Variants in C7orf57 observed in about 807,000 individuals in gnomAD.
C7orf57 encodes chromosome 7 open reading frame 57.
C7orf57 carries 33 observed loss-of-function variants against 39.0 expected under a neutral mutation model. That is an observed-to-expected ratio of 0.85 (90% CI 0.64 to 1.13). C7orf57 has a LOEUF of 1.13. Ranked by LOEUF, C7orf57 falls within the 50% of genes most tolerant of loss-of-function variation. The pLI is 0.00. For synonymous variants in C7orf57, 124 were observed against 137.1 expected (o/e 0.90, Z 0.67); for missense variants, 346 against 362.3 (o/e 0.95, Z 0.37).
chr7:48,041,738 T>G, intron 3 of C7orf57: 1 of 343,238 alleles, frequency 2.9e-6, no homozygotes, highest in Non-Finnish European at 5.2e-6. Flanking sequence ...TCACAGAATT[T>G]CCTGTGTAGG....
At chr7:48,051,723 TTTCTCTTTTTC>T in intron 6 of C7orf57, among the ~76,000 whole-genome samples, 2 of 56,282 alleles carry the variant, frequency 3.6e-5, no homozygotes, top group Non-Finnish European at 6.4e-5. Context: ...CCTTTCTTTC[TTTCTCTTTTTC>T]TTTTCTTTCT....
intron 5 of C7orf57, among the ~76,000 whole-genome samples, chr7:48,047,677 T>A (rs1473504685): frequency 6.6e-6 from 1 of 152,168 alleles, no homozygotes; most frequent in East Asian, 1.9e-4. Context: ...AGACCTTTTA[T>A]TGTTGTTTTT....
Position 48,059,984 on chromosome 7 carries a change from C to T in C7orf57, c.842-242C>T, listed in dbSNP as rs545394985. Among the ~76,000 whole-genome samples, 3 of 152,294 alleles carry T rather than the reference C, an allele frequency of 2.0e-5. No individual in the cohort carries two copies. The South Asian group carries it at 6.2e-4, about 32-fold the overall frequency. On this transcript the variant is annotated intron_variant, in intron 8 of 8. Coordinates refer to ENST00000348904, the MANE Select transcript of C7orf57 (RefSeq NM_001100159.3). ...AACTTTCCACCATACACAGGCAAAA[C>T]TCATGAATTGAACTGTTTCCAATGG...
intron 5 of C7orf57, among the ~76,000 whole-genome samples, chr7:48,048,750 C>T (rs568209222): frequency 3.5e-4 from 52 of 149,818 alleles, no homozygotes; most frequent in African/African-American, 1.2e-3. Context: ...AGCCTCTCCC[C>T]TGCCCCTTGC....
chr7:48,046,430 C>T, intron 4 of C7orf57, 30 bp from the exon 5 acceptor site: 1 of 1,597,990 alleles, frequency 6.3e-7, no homozygotes, highest in Non-Finnish European at 8.5e-7. Flanking sequence ...GCTCTGAGCA[C>T]CAGGCTGTAA....
intron 6 of C7orf57, among the ~76,000 whole-genome samples, chr7:48,052,376 A>G (rs1790980055): frequency 7.3e-6 from 1 of 137,584 alleles, no homozygotes; most frequent in African/African-American, 2.5e-5. Context: ...GTGAAATACT[A>G]GAATTATTAC....
At chr7:48,051,990 T>C (rs1381892267) in intron 6 of C7orf57, among the ~76,000 whole-genome samples, 1 of 149,994 alleles carries the variant, frequency 6.7e-6, no homozygotes, top group African/African-American at 2.5e-5. Context: ...TTTCTTTTTT[T>C]TGAGACAGAG....
At chr7:48,048,372 T>C (rs1401427843) in intron 5 of C7orf57, among the ~76,000 whole-genome samples, 2 of 152,148 alleles carry the variant, frequency 1.3e-5, no homozygotes, top group African/African-American at 4.8e-5. Flanking sequence ...ACGGGACACA[T>C]GGTGGACACC....
chr7:48,061,158 T>G lies in C7orf57; in HGVS notation c.*886T>G, dbSNP rs1030394401. On this transcript the variant is annotated 3_prime_UTR_variant, in exon 9 of 9. Transcript: ENST00000348904. ...GCTTACCTAAAATTTAAGTTTCAAA[T>G]TAGTTCTCTATATGAGATACTTAAT... The G allele has an allele frequency of 1.3e-5, 2 of 152,198 alleles. No homozygotes were observed. The highest frequency in any genetic ancestry group is 4.8e-5 in the African/African-American group (2 of 41,454). 9.4% of individuals were successfully genotyped at this position (152,198 alleles called of 1,614,324 possible). A position where few individuals can be genotyped will look rare whatever the true frequency, so the allele number is the denominator to read the frequency against.
chr7:48,053,028 C>T (rs1791006647), intron 7 of C7orf57, 105 bp downstream of exon 7: 2 of 931,546 alleles, frequency 2.1e-6, no homozygotes. Flanking sequence ...AAATGAGTAA[C>T]CCAAAAACCA....
At chr7:48,048,908 A>G (rs1279898121) in intron 5 of C7orf57, among the ~76,000 whole-genome samples, 1 of 152,178 alleles carries the variant, frequency 6.6e-6, no homozygotes, top group Non-Finnish European at 1.5e-5. Context: ...GGTCAACACG[A>G]CCATGAACCA....
chr7:48,041,383 C>T lies in C7orf57; in HGVS notation c.105C>T (p.Ala35=). Residue 35 remains alanine, a synonymous_variant, in exon 3 of 9, where the codon GCC becomes GCT. Coordinates refer to ENST00000348904, the MANE Select transcript of C7orf57 (RefSeq NM_001100159.3). ...PVKRSEKAVD[A]PPASQIPGLS... ...AGCGCTCTGAGAAGGCCGTGGATGC[C>T]CCACCAGCGTCCCAGATCCCAGGTC... The T allele has an allele frequency of 4.3e-6, 7 of 1,613,924 alleles. No individual in the cohort carries two copies. The highest frequency in any genetic ancestry group is 5.9e-6 in the Non-Finnish European group (7 of 1,179,846).
chr7:48,044,604 A>G (rs914336842), intron 4 of C7orf57, among the ~76,000 whole-genome samples: 82 of 152,208 alleles, frequency 5.4e-4, no homozygotes, highest in African/African-American at 1.8e-3. Flanking sequence ...TAGCTGGCCT[A>G]GGAAATCCAG....
chr7:48,058,321 T>C (rs919753736), intron 8 of C7orf57, among the ~76,000 whole-genome samples: 12 of 152,284 alleles, frequency 7.9e-5, no homozygotes, highest in Non-Finnish European at 1.2e-4. Flanking sequence ...GAAGCCATTA[T>C]GTCCTGGGCT....
intron 3 of C7orf57, 53 bp downstream of exon 3, chr7:48,041,572 G>T: frequency 3.6e-6 from 5 of 1,399,890 alleles, no homozygotes; most frequent in Non-Finnish European, 4.8e-6. Context: ...CGGTGAGGGG[G>T]GCGTTTGTTC....
chr7:48,038,136 A>C (rs1384277401), intron 2 of C7orf57, among the ~76,000 whole-genome samples: 1 of 152,076 alleles, frequency 6.6e-6, no homozygotes, highest in East Asian at 1.9e-4. Flanking sequence ...TTCCTTTTCG[A>C]AACCATATAG....
chr7:48,039,835 G>C (rs1300570582), intron 2 of C7orf57, among the ~76,000 whole-genome samples: 1 of 47,552 alleles, frequency 2.1e-5, no homozygotes, highest in African/African-American at 1.4e-4. Context: ...CTGCCCCTGT[G>C]ACAGTACGTT....
intron 6 of C7orf57, 50 bp downstream of exon 6, chr7:48,050,027 C>A: frequency 7.7e-7 from 1 of 1,302,112 alleles, no homozygotes; most frequent in Non-Finnish European, 1.1e-6. Context: ...TTGGGTTTGG[C>A]CTTCCGTCTT....
chr7:48,051,347 A>ATTTTTTTTTTTT (rs71006546), intron 6 of C7orf57, among the ~76,000 whole-genome samples: 1,888 of 69,714 alleles, frequency 0.027, 157 homozygotes, highest in African/African-American at 0.045. Context: ...CAGCTGGCTA[A>ATTTTTTTTTTTT]TTTTTTTTTT....
Sources: allele counts gnomAD v4.1 joint callset (sites outside exome capture counted in the v4.1 genomes callset), GRCh38; gene constraint gnomAD v4.1.1; transcripts MANE v1.5; gene names NCBI Gene and HGNC (gene_info 2026-07-23, HGNC 2026-07-21).